Variants in SEMA6D observed in about 807,000 individuals in gnomAD.
The protein encoded by SEMA6D is semaphorin-6D.
A neutral mutation model predicts 106.6 loss-of-function variants in SEMA6D; 35 were observed. That is an observed-to-expected ratio of 0.33 (90% CI 0.25 to 0.44). The LOEUF is 0.44. Ranked by LOEUF, SEMA6D falls within the 20% of genes least tolerant of loss-of-function variation. The pLI is 1.00. For synonymous variants in SEMA6D, 499 were observed against 487.7 expected (o/e 1.02, Z -0.31); for missense variants, 1,185 against 1,345.9 (o/e 0.88, Z 1.87).
chr15:47,295,270 A>T (rs2035761040), intron 1 of SEMA6D, among the ~76,000 whole-genome samples: 1 of 152,212 alleles, frequency 6.6e-6, no homozygotes, highest in South Asian at 2.1e-4. Context: ...AAGTGAGCTC[A>T]TGTATTAGAA....
At chr15:47,280,385 A>G (rs2035056865) in intron 1 of SEMA6D, among the ~76,000 whole-genome samples, 1 of 150,324 alleles carries the variant, frequency 6.7e-6, no homozygotes, top group African/African-American at 2.4e-5. Context: ...CCTCTTTATC[A>G]TTTTTTGTTG....
intron 1 of SEMA6D, among the ~76,000 whole-genome samples, chr15:47,366,495 A>C (rs2039034941): frequency 6.6e-6 from 1 of 152,220 alleles, no homozygotes; most frequent in Admixed American, 6.5e-5. Context: ...GAAATAAATA[A>C]AGACAGGAAA....
chr15:47,264,224 A>G (rs1348458140), intron 1 of SEMA6D, among the ~76,000 whole-genome samples: 1 of 152,076 alleles, frequency 6.6e-6, no homozygotes, highest in Non-Finnish European at 1.5e-5. Context: ...AGATCAGGGA[A>G]AATAATTAAT....
chr15:47,707,565 T>C (rs879264838), intron 4 of SEMA6D, among the ~76,000 whole-genome samples: 3 of 152,200 alleles, frequency 2.0e-5, no homozygotes, highest in Non-Finnish European at 2.9e-5. Context: ...ATTTCCAAGT[T>C]GGAGGACAGA....
chr15:47,623,294 T>G (rs1165185366), intron 4 of SEMA6D, among the ~76,000 whole-genome samples: 1 of 152,220 alleles, frequency 6.6e-6, no homozygotes, highest in Non-Finnish European at 1.5e-5. Flanking sequence ...GTAATGATAC[T>G]GATCACCACA....
intron 4 of SEMA6D, chr15:47,606,260 T>A (rs932914601): frequency 6.6e-6 from 1 of 152,118 alleles, no homozygotes. Flanking sequence ...GTCCTTACAT[T>A]TGGATGGGGC....
At chr15:47,728,527 T>A (rs2079909874) in intron 1 of SEMA6D, among the ~76,000 whole-genome samples, 1 of 152,194 alleles carries the variant, frequency 6.6e-6, no homozygotes, top group Non-Finnish European at 1.5e-5. Flanking sequence ...GGCACTTAGT[T>A]TTACCTCTCA....
At chr15:47,523,203 G>C (rs2044644788) in intron 3 of SEMA6D, among the ~76,000 whole-genome samples, 1 of 152,180 alleles carries the variant, frequency 6.6e-6, no homozygotes, top group Admixed American at 6.5e-5. Context: ...CATTGGGAAG[G>C]CTCCTAGAGA....
chr15:47,288,554 G>A (rs1160971444), intron 1 of SEMA6D, among the ~76,000 whole-genome samples: 2 of 152,144 alleles, frequency 1.3e-5, no homozygotes, highest in Non-Finnish European at 2.9e-5. Context: ...CCAAAGTCTG[G>A]TTATCCCTCC....
At chr15:47,676,748 A>G (rs151053132) in intron 4 of SEMA6D, among the ~76,000 whole-genome samples, 1 of 152,264 alleles carries the variant, frequency 6.6e-6, no homozygotes, top group African/African-American at 2.4e-5. Context: ...ACCCCAACAC[A>G]TAGATCTTGA....
In SEMA6D at chr15:47,764,872, T is replaced by C; in HGVS notation, c.1254-11T>C. ...GCCTCCCCTTCTGATCTGTGCCGCC[T>C]CCTCTTGTAGGTACAGACTGACGGC... On this transcript the variant is annotated splice_polypyrimidine_tract_variant and intron_variant, in intron 12 of 18. Transcript: ENST00000536845. 1 of 1,613,718 alleles carries C rather than the reference T, an allele frequency of 6.2e-7. No individual in the cohort carries two copies. Among genetic ancestry groups the C allele is most frequent in the Non-Finnish European group, 8.5e-7 (1 of 1,179,738 alleles).
chr15:47,389,349 A>T (rs748000502), intron 1 of SEMA6D, among the ~76,000 whole-genome samples: 1 of 152,166 alleles, frequency 6.6e-6, no homozygotes, highest in Non-Finnish European at 1.5e-5. Flanking sequence ...CACCAAAGCA[A>T]AATACATTGT....
intron 4 of SEMA6D, among the ~76,000 whole-genome samples, chr15:47,646,975 C>T (rs772853706): frequency 1.3e-5 from 2 of 152,182 alleles, no homozygotes; most frequent in African/African-American, 2.4e-5. Context: ...GTTAATTGTG[C>T]AGCAACCTAC....
rs555955097 is a variant in SEMA6D, at chr15:47,700,403, G to A, written c.-54-59342G>A. Among the ~76,000 whole-genome samples the A allele has an allele frequency of 5.9e-5, 9 of 152,140 alleles. No individual in the cohort carries two copies. In the South Asian group the frequency reaches 1.9e-3, roughly 32 times the overall value. On this transcript the variant is annotated intron_variant, in intron 4 of 19. Transcript: ENST00000558014. ...AAACAAAAATTTGCCACGCATGATG[G>A]CACACACCTGTAGTCCTAGTTACTC...
intron 1 of SEMA6D, among the ~76,000 whole-genome samples, chr15:47,329,079 G>A (rs1408123345): frequency 3.3e-5 from 5 of 152,180 alleles, no homozygotes; most frequent in Non-Finnish European, 5.9e-5. Context: ...AACTTAAAAT[G>A]TGCCTGACAT....
chr15:47,352,190 T>G (rs144349207), intron 1 of SEMA6D, among the ~76,000 whole-genome samples: 1,672 of 152,278 alleles, frequency 0.011, 11 homozygotes, highest in Non-Finnish European at 0.014. Context: ...GAACACAAAG[T>G]GAATAACATT....
chr15:47,233,022 A>C (rs2032308512), intron 1 of SEMA6D, among the ~76,000 whole-genome samples: 1 of 151,974 alleles, frequency 6.6e-6, no homozygotes, highest in Non-Finnish European at 1.5e-5. Context: ...GCTTGATCTA[A>C]TGTCATAAAT....
At position 47,414,493 on chromosome 15, in the gene SEMA6D, A is replaced by T. The variant is rs555722115; in HGVS notation, c.-159+2021A>T. Among the ~76,000 whole-genome samples, 3 of 152,324 alleles carry T rather than the reference A, an allele frequency of 2.0e-5. No individual in the cohort carries two copies. The South Asian group carries it at 6.2e-4, about 32-fold the overall frequency. ...AACACGCATGTGATTGGCCTTAATG[A>T]AATTATAAGCCTCCAAGGAAGTGGC... On this transcript the variant is annotated intron_variant, in intron 2 of 19. Transcript: ENST00000558014.
At chr15:47,588,041 C>T (rs897145419) in intron 3 of SEMA6D, among the ~76,000 whole-genome samples, 2 of 152,160 alleles carry the variant, frequency 1.3e-5, no homozygotes, top group Non-Finnish European at 2.9e-5. Context: ...GGATGCCTAA[C>T]TAATGAAGAA....
Sources: allele counts gnomAD v4.1 joint callset (sites outside exome capture counted in the v4.1 genomes callset), GRCh38; gene constraint gnomAD v4.1.1; transcripts MANE v1.5; gene names NCBI Gene and HGNC (gene_info 2026-07-23, HGNC 2026-07-21).